Variants in LHPP observed in about 807,000 individuals in gnomAD.
The protein encoded by LHPP is phospholysine phosphohistidine inorganic pyrophosphate phosphatase, also known as hLHPP.
A neutral mutation model predicts 30.3 loss-of-function variants in LHPP; 24 were observed. The ratio of observed to expected loss-of-function variants is 0.79; its 90% CI spans 0.57 to 1.11. LHPP has a LOEUF of 1.11. LHPP is among the 50% of genes most tolerant of loss of function. LHPP has a pLI of 0.00. For synonymous variants in LHPP, 150 were observed against 157.1 expected (o/e 0.95, Z 0.34); for missense variants, 356 against 367.2 (o/e 0.97, Z 0.25).
intron 1 of LHPP, among the ~76,000 whole-genome samples, chr10:124,468,605 A>G (rs984717614): frequency 1.3e-5 from 2 of 151,860 alleles, no homozygotes; most frequent in African/African-American, 4.8e-5. Flanking sequence ...GGCCTCTTCC[A>G]CTGGCCCCCA....
chr10:124,566,635 A>G (rs1488066837), intron 6 of LHPP, among the ~76,000 whole-genome samples: 3 of 152,174 alleles, frequency 2.0e-5, no homozygotes, highest in Non-Finnish European at 4.4e-5. Context: ...CCGGAGAGCC[A>G]GTTACCAGCA....
intron 3 of LHPP, among the ~76,000 whole-genome samples, chr10:124,492,531 A>G (rs924105327): frequency 2.6e-5 from 4 of 152,174 alleles, no homozygotes; most frequent in African/African-American, 9.7e-5. Context: ...TAAAGCCTGC[A>G]ACTGGTTGGA....
chr10:124,528,976 T>C (rs1488069460), intron 6 of LHPP, among the ~76,000 whole-genome samples: 1 of 151,932 alleles, frequency 6.6e-6, no homozygotes, highest in Non-Finnish European at 1.5e-5. Context: ...ATAAGAGTTA[T>C]TTTTTATGGC....
intron 5 of LHPP, among the ~76,000 whole-genome samples, chr10:124,502,003 A>G (rs1218902635): frequency 1.3e-5 from 2 of 151,962 alleles, no homozygotes; most frequent in Admixed American, 1.3e-4. Context: ...GGTACCCATC[A>G]CTGTGCTTTA....
At chr10:124,604,139 CCCAG>C (rs1949063517) in intron 6 of LHPP, among the ~76,000 whole-genome samples, 1 of 152,206 alleles carries the variant, frequency 6.6e-6, no homozygotes, top group Non-Finnish European at 1.5e-5. Context: ...ATGGCACCTT[CCCAG>C]AGGTACATGG....
In LHPP at chr10:124,486,193, A is replaced by C. The variant is rs138185229; in HGVS notation, c.313+1867A>C. 5.2e-3 allele frequency among the ~76,000 whole-genome samples: 797 copies of C among 152,286 alleles called. 9 individuals are homozygous for C. The highest frequency in any genetic ancestry group is 0.018 in the African/African-American group (735 of 41,554). The stretch of plus-strand genomic sequence containing the variant: ...ACATATGCATGCACCCATGGAACCC[A>C]ACCCCGTGAAGAGCTAGACCATCAC... On this transcript the variant is annotated intron_variant, in intron 2 of 6. Transcript: ENST00000368842.
intron 6 of LHPP, among the ~76,000 whole-genome samples, chr10:124,595,091 C>T (rs1948926208): frequency 1.3e-5 from 2 of 152,200 alleles, no homozygotes; most frequent in African/African-American, 4.8e-5. Flanking sequence ...TTTAATGAGG[C>T]TGGGCCTGCC....
chr10:124,493,779 C>G (rs1470092967), intron 3 of LHPP: 1 of 152,168 alleles, frequency 6.6e-6, no homozygotes, highest in African/African-American at 2.4e-5. Flanking sequence ...CTGCCGTTGG[C>G]TGGGTTAAAC....
At chr10:124,567,894 A>G (rs1324829986) in intron 6 of LHPP, among the ~76,000 whole-genome samples, 5 of 152,204 alleles carry the variant, frequency 3.3e-5, no homozygotes, top group Non-Finnish European at 5.9e-5. Flanking sequence ...TAATAGCTAT[A>G]TAATATTCCA....
intron 6 of LHPP, among the ~76,000 whole-genome samples, chr10:124,538,913 A>T (rs1041962891): frequency 1.3e-5 from 2 of 152,148 alleles, no homozygotes; most frequent in Non-Finnish European, 2.9e-5. Context: ...ACTTCCTGGG[A>T]TTTATGCTGC....
intron 5 of LHPP, chr10:124,498,885 T>A: frequency 3.6e-5 from 8 of 222,224 alleles, no homozygotes; most frequent in East Asian, 2.9e-4. Context: ...TGGCAAACTT[T>A]TTTTTTTTTT....
At chr10:124,467,087 G>T (rs559174032) in intron 1 of LHPP, among the ~76,000 whole-genome samples, 237 of 151,746 alleles carry the variant, frequency 1.6e-3, no homozygotes, top group Non-Finnish European at 3.0e-3. Flanking sequence ...ATGTGCTACT[G>T]CACTCCAGCC....
intron 6 of LHPP, among the ~76,000 whole-genome samples, chr10:124,524,452 T>G (rs1441590811): frequency 6.6e-6 from 1 of 152,026 alleles, no homozygotes; most frequent in Non-Finnish European, 1.5e-5. Flanking sequence ...AATTTATGTA[T>G]TTTTAGTAGA....
chr10:124,506,645 T>TGG (rs577410648), intron 5 of LHPP, among the ~76,000 whole-genome samples: 29 of 95,182 alleles, frequency 3.0e-4, no homozygotes, highest in African/African-American at 1.4e-3. Context: ...CTTAGGGAGG[T>TGG]GGGGAGGGTA....
chr10:124,495,445 G>C lies in LHPP; in HGVS notation c.468-1516G>C, dbSNP rs949165172. On this transcript the variant is annotated intron_variant, in intron 3 of 6. Coordinates refer to ENST00000368842, the MANE Select transcript of LHPP (RefSeq NM_022126.4). ...GAAGCCCGTACCTGCAGCCCAGCTT[G>C]TAAGTTTAGCCGGGAAGCATCTGAG... 3.7e-4 allele frequency among the ~76,000 whole-genome samples: 56 copies of C among 152,374 alleles called. 1 individual carries two copies. Among genetic ancestry groups the C allele is most frequent in the African/African-American group, 1.3e-3 (54 of 41,600 alleles).
At chr10:124,498,284 G>A in intron 5 of LHPP, 156 bp downstream of exon 5, 1 of 1,562,520 alleles carries the variant, frequency 6.4e-7, no homozygotes, top group South Asian at 1.1e-5. Flanking sequence ...GGAAGGAGGG[G>A]GAAGACAGCA....
chr10:124,562,245 T>G (rs1434716346), intron 6 of LHPP, among the ~76,000 whole-genome samples: 1 of 152,140 alleles, frequency 6.6e-6, no homozygotes, highest in East Asian at 1.9e-4. Context: ...AGGTCAAGGT[T>G]GTAGTGAGCT....
rs757408386 is a variant in LHPP, at chr10:124,517,454, A to G, written c.716+183A>G. On this transcript the variant is annotated intron_variant, in intron 6 of 6. Transcript: ENST00000368842. The surrounding 1 kb of genome is among the most constrained non-coding windows in gnomAD (Gnocchi z 4.1). The stretch of plus-strand genomic sequence containing the variant: ...GGCTGAGTGGTCTTTTATAGCAGAC[A>G]GTGATAAAGTAGAGTGGCTTTTGAT... 1.2e-5 allele frequency: 5 copies of G among 410,052 alleles called. No homozygotes were observed. The highest frequency in any genetic ancestry group is 2.2e-5 in the Non-Finnish European group (5 of 230,156). The allele number at this position is 410,052 out of a possible 1,614,324, so 25.4% of individuals were successfully genotyped here.
chr10:124,526,122 C>T lies in LHPP; in HGVS notation c.716+8851C>T, dbSNP rs549166686. ...AGTGGTGGGACAGGGATTGAGGGAG[C>T]GTCAGCAGGGCCCTCTCTTCTCCCT... On this transcript the variant is annotated intron_variant, in intron 6 of 6. Transcript: ENST00000368842. 34 of 935,544 alleles carry T rather than the reference C, an allele frequency of 3.6e-5. No individual in the cohort carries two copies. In the African/African-American group the frequency reaches 5.1e-4, roughly 14 times the overall value. The allele number at this position is 935,544 out of a possible 1,614,324, so 58.0% of individuals were successfully genotyped here. A position where few individuals can be genotyped will look rare whatever the true frequency, so the allele number is the denominator to read the frequency against.
Sources: gnomAD v4.1 joint callset for allele counts (sites outside exome capture counted in the v4.1 genomes callset) on GRCh38, gnomAD v4.1.1 for gene constraint, Gnocchi (gnomAD v3.1) non-coding constraint, MANE v1.5 for transcripts, NCBI Gene and HGNC (gene_info 2026-07-23, HGNC 2026-07-21) for gene names.